WSCD2: variants seen among roughly 807,000 people sequenced by gnomAD.
The protein encoded by WSCD2 is WSC domain sialate O sulfotransferase 2.
Under a neutral mutation model 55.7 loss-of-function variants are expected in WSCD2, and 28 were observed. The observed-to-expected ratio is 0.50, with a 90% confidence interval of 0.37 to 0.69. WSCD2 has a LOEUF of 0.69. Among genes scored for constraint, WSCD2 ranks in the 30% least tolerant of loss-of-function variants. The probability of loss-of-function intolerance (pLI) is 0.00; values close to 1 mark genes in which losing one functional copy is unlikely to be tolerated. For missense variants in WSCD2, 616 were observed against 762.1 expected (o/e 0.81, Z 2.26); for synonymous variants, 301 against 301.9 (o/e 1.00, Z 0.03).
intron 1 of WSCD2, among the ~76,000 whole-genome samples, chr12:108,150,652 G>A (rs774169325): frequency 6.6e-6 from 1 of 152,178 alleles, no homozygotes; most frequent in Non-Finnish European, 1.5e-5. Flanking sequence ...GAGGCAGGCA[G>A]GACCCCGATA....
chr12:108,233,345 A>C (rs1178848419), intron 7 of WSCD2, among the ~76,000 whole-genome samples: 2 of 152,208 alleles, frequency 1.3e-5, no homozygotes, highest in Non-Finnish European at 2.9e-5. Context: ...TAAGTCGACA[A>C]TATTCGCTAT....
At chr12:108,135,908 G>A (rs944918702) in intron 1 of WSCD2, among the ~76,000 whole-genome samples, 1 of 152,224 alleles carries the variant, frequency 6.6e-6, no homozygotes, top group Non-Finnish European at 1.5e-5. Flanking sequence ...GGAATGTTGA[G>A]TATTTGTGAC....
chr12:108,227,772 G>A (rs1025490938), intron 6 of WSCD2, among the ~76,000 whole-genome samples: 1 of 151,548 alleles, frequency 6.6e-6, no homozygotes, highest in African/African-American at 2.4e-5. Flanking sequence ...TATGATGATG[G>A]TGATGATCAT....
chr12:108,158,727 C>T (rs1285128381), intron 1 of WSCD2, among the ~76,000 whole-genome samples: 3 of 152,170 alleles, frequency 2.0e-5, no homozygotes, highest in African/African-American at 7.2e-5. Flanking sequence ...CCTGACAGTA[C>T]CAACATCCTA....
intron 1 of WSCD2, among the ~76,000 whole-genome samples, chr12:108,186,399 T>A (rs914771282): frequency 6.6e-6 from 1 of 152,140 alleles, no homozygotes; most frequent in African/African-American, 2.4e-5. Flanking sequence ...TAGGGCTCAC[T>A]CTTGGTGTTG....
rs142866259 is a variant in WSCD2, at chr12:108,207,390, G to C, written c.497+987G>C. ...TATTTTTTATTTTTTATTTTTTTGA[G>C]ACAGAGTCTTGCTCTGTCACCCAGG... On this transcript the variant is annotated intron_variant, in intron 3 of 8. Transcript: ENST00000547525. Among the ~76,000 whole-genome samples, 882 of 151,894 alleles carry C rather than the reference G, an allele frequency of 5.8e-3. 5 individuals carry two copies. Among genetic ancestry groups the C allele is most frequent in the African/African-American group, 0.02 (848 of 41,384 alleles).
At chr12:108,140,845 C>A (rs1240201152) in intron 1 of WSCD2, among the ~76,000 whole-genome samples, 2 of 152,196 alleles carry the variant, frequency 1.3e-5, no homozygotes, top group Non-Finnish European at 2.9e-5. Context: ...AGCCGGCCAG[C>A]CCTCCCACCC....
intron 1 of WSCD2, chr12:108,171,675 T>TTA (rs1880270591): frequency 6.6e-6 from 1 of 152,202 alleles, no homozygotes; most frequent in Non-Finnish European, 1.5e-5. Flanking sequence ...GCTCTACAGT[T>TTA]TATAGTCTAC....
intron 8 of WSCD2, among the ~76,000 whole-genome samples, chr12:108,243,514 G>A (rs565003213): frequency 1.3e-5 from 2 of 152,330 alleles, no homozygotes; most frequent in South Asian, 2.1e-4. Flanking sequence ...GATTACAGGC[G>A]TGAGCCACCG....
intron 4 of WSCD2, among the ~76,000 whole-genome samples, chr12:108,217,281 T>C (rs1565975966): frequency 6.6e-6 from 1 of 152,216 alleles, no homozygotes; most frequent in Non-Finnish European, 1.5e-5. Flanking sequence ...TTCACTGCTA[T>C]GGAAATCCAG....
intron 7 of WSCD2, among the ~76,000 whole-genome samples, chr12:108,235,363 CT>C (rs1402279134): frequency 6.6e-6 from 1 of 152,134 alleles, no homozygotes; most frequent in East Asian, 1.9e-4. Context: ...GCCCAGGGAG[CT>C]TTTAAAGTCT....
chr12:108,194,786 A>G (rs370454765), intron 1 of WSCD2, among the ~76,000 whole-genome samples: 3 of 152,172 alleles, frequency 2.0e-5, no homozygotes, highest in East Asian at 3.9e-4. Flanking sequence ...CTCACAGCTT[A>G]ATTTCCAGCA....
Position 108,135,001 on chromosome 12 carries a change from T to C in WSCD2, c.-552+5075T>C, listed in dbSNP as rs192253009. Among the ~76,000 whole-genome samples, 12 of 152,318 alleles carry C rather than the reference T, an allele frequency of 7.9e-5. No individual in the cohort carries two copies. In the East Asian group the frequency reaches 2.1e-3, roughly 27 times the overall value. ...GCAGGCATGTTTTATGTAACTGATG[T>C]CATAGCATACATTTGACATTTCCCC... On this transcript the variant is annotated intron_variant, in intron 1 of 8. Transcript: ENST00000547525.
intron 8 of WSCD2, among the ~76,000 whole-genome samples, chr12:108,240,881 C>T (rs889365038): frequency 1.3e-5 from 2 of 152,216 alleles, no homozygotes; most frequent in African/African-American, 4.8e-5. Flanking sequence ...CCTCCCTGAA[C>T]TTACATGGCC....
chr12:108,167,053 C>T (rs1039193363), intron 1 of WSCD2, among the ~76,000 whole-genome samples: 1 of 151,908 alleles, frequency 6.6e-6, no homozygotes, highest in Non-Finnish European at 1.5e-5. Flanking sequence ...CTCAAATGAT[C>T]CACCCACCTC....
chr12:108,236,256 A>G (rs2137211232), intron 7 of WSCD2, among the ~76,000 whole-genome samples: 1 of 152,300 alleles, frequency 6.6e-6, no homozygotes, highest in East Asian at 1.9e-4. Context: ...AGAAGCATGT[A>G]TCAGATGGGT....
intron 1 of WSCD2, among the ~76,000 whole-genome samples, chr12:108,168,148 T>C (rs559211472): frequency 6.6e-6 from 1 of 152,326 alleles, no homozygotes; most frequent in East Asian, 1.9e-4. Flanking sequence ...GGGGGCAACA[T>C]TGACTCGGCA....
chr12:108,162,039 A>G (rs1204861786), intron 1 of WSCD2, among the ~76,000 whole-genome samples: 4 of 152,186 alleles, frequency 2.6e-5, no homozygotes, highest in African/African-American at 4.8e-5. Flanking sequence ...AGGCTCACAG[A>G]GGGAAGAAGT....
At position 108,129,427 on chromosome 12, in the gene WSCD2, G is replaced by T. The variant is rs1180598078; in HGVS notation, c.-1051G>T. 6.6e-6 allele frequency: 1 copy of T among 150,852 alleles called. No individual in the cohort carries two copies. Among genetic ancestry groups the T allele is most frequent in the Non-Finnish European group, 1.5e-5 (1 of 67,248 alleles). The allele number at this position is 150,852 out of a possible 1,614,324, so 9.3% of individuals were successfully genotyped here. A position where few individuals can be genotyped will look rare whatever the true frequency, so the allele number is the denominator to read the frequency against. On this transcript the variant is annotated 5_prime_UTR_variant, in exon 1 of 9. Transcript: ENST00000547525. Reference sequence around the variant, plus strand: ...AGCCAGGCGGCCGGAGCTCCGCGCCGAGCCGCAGCCGGTGCCCTGCGCGCA... The same window carrying T: ...AGCCAGGCGGCCGGAGCTCCGCGCCTAGCCGCAGCCGGTGCCCTGCGCGCA...
Sources: gnomAD v4.1 joint callset for allele counts (sites outside exome capture counted in the v4.1 genomes callset) on GRCh38, gnomAD v4.1.1 for gene constraint, MANE v1.5 for transcripts, NCBI Gene and HGNC (gene_info 2026-07-23, HGNC 2026-07-21) for gene names.